The following RBMX2 variants were observed in gnomAD, a reference collection of about 807,000 sequenced individuals.
RBMX2 encodes the protein RNA binding motif protein X-linked 2.
For synonymous variants in RBMX2, 77 were observed against 94.3 expected (o/e 0.82, Z 1.07); for missense variants, 191 against 256.0 (o/e 0.75, Z 1.73).
At chrX:130,408,246 C>T (rs2034495238) in intron 3 of RBMX2, among the ~76,000 whole-genome samples, 1 of 112,014 alleles carries the variant, frequency 8.9e-6, no homozygotes. Flanking sequence ...AGCCCTCCCA[C>T]CTTGGCCTCC....
At position 130,409,268 on chromosome X, in the gene RBMX2, T is replaced by C. The variant is rs1261772365; in HGVS notation, c.185T>C (p.Ile62Thr). ...TATAAAATAAATAGATATGGGGAGA[T>C]TGTTAACATTAATCTCGTGCGGGAC... ...IICVFSQYGE[I>T]VNINLVRDKK... Residue 62 changes from isoleucine to threonine, a missense_variant, in exon 4 of 6, where the codon ATT (isoleucine) becomes ACT (threonine). Physicochemically the swap from Ile to Thr is moderately conservative, Grantham distance 89. Transcript: ENST00000305536. The C allele has an allele frequency of 8.3e-7, 1 of 1,205,122 alleles. No homozygotes were observed. The highest frequency in any genetic ancestry group is 1.7e-5 in the African/African-American group (1 of 57,603).
intron 1 of RBMX2, 45 bp downstream of exon 1, chrX:130,402,082 G>A (rs1478832307): frequency 3.4e-5 from 40 of 1,189,300 alleles, no homozygotes; most frequent in Non-Finnish European, 4.3e-5. Context: ...CGGGCCACTG[G>A]GGGTGGTCCA....
rs6529427 is a variant in RBMX2 at position 130,411,333 on chromosome X, G to A, written c.304-15G>A. On this transcript the variant is annotated splice_polypyrimidine_tract_variant and intron_variant, in intron 4 of 5. Transcript: ENST00000305536. ...TGAGGGCTGTCTTCACTGAAGCATC[G>A]CCTGTCTTGCTTAGATCAAAGGAAG... The A allele has an allele frequency of 0.022, 25,181 of 1,147,141 alleles. 3,056 individuals carry two copies. In the African/African-American group the frequency reaches 0.38, roughly 17 times the overall value. The allele number at this position is 1,147,141 out of a possible 1,213,427, so 94.5% of individuals were successfully genotyped here.
chrX:130,412,307 TTC>T, intron 5 of RBMX2, 52 bp from the exon 6 acceptor site: 1 of 1,039,130 alleles, frequency 9.6e-7, no homozygotes, highest in African/African-American at 2.0e-5. Flanking sequence ...TTTAAGGGAG[TTC>T]TTTTATTTTT....
At chrX:130,409,515 G>A in intron 4 of RBMX2, 129 bp downstream of exon 4, 1 of 653,082 alleles carries the variant, frequency 1.5e-6, no homozygotes, top group South Asian at 4.3e-5. Flanking sequence ...CTGCAGAGAT[G>A]TGGAGACACT....
At position 130,413,340 on chromosome X, in the gene RBMX2, G is replaced by A. The variant is rs754969637; in HGVS notation, c.*492G>A. On this transcript the variant is annotated 3_prime_UTR_variant, in exon 6 of 6. Coordinates refer to ENST00000305536, the MANE Select transcript of RBMX2 (RefSeq NM_016024.4). ...CTTTTTCATTAAAACTTTTTTGTTC[G>A]ATATGCCTCTTTCCACATTTTTTCC... 8.9e-6 allele frequency: 1 copy of A among 111,947 alleles called. No individual in the cohort carries two copies. The highest frequency in any genetic ancestry group is 3.7e-4 in the South Asian group (1 of 2,697). 9.2% of individuals were successfully genotyped at this position (111,947 alleles called of 1,213,427 possible).
intron 4 of RBMX2, among the ~76,000 whole-genome samples, chrX:130,410,920 C>G (rs1014201196): frequency 8.9e-6 from 1 of 112,239 alleles, no homozygotes; most frequent in African/African-American, 3.2e-5. Context: ...TTCAAGAATT[C>G]CTTCTAGTTG....
intron 3 of RBMX2, among the ~76,000 whole-genome samples, chrX:130,405,885 C>T (rs527484175): frequency 1.2e-4 from 5 of 40,461 alleles, no homozygotes; most frequent in Admixed American, 4.4e-4. Flanking sequence ...GACGGAGTCT[C>T]GCTCTGTCGC....
intron 3 of RBMX2, among the ~76,000 whole-genome samples, chrX:130,408,200 G>C (rs1280053002): frequency 2.8e-5 from 3 of 108,766 alleles, no homozygotes; most frequent in African/African-American, 1.0e-4. Flanking sequence ...ATCTTGTTCT[G>C]TTGCCCAGGC....
chrX:130,403,585 C>T (rs2034468241), intron 2 of RBMX2, among the ~76,000 whole-genome samples: 1 of 111,285 alleles, frequency 9.0e-6, no homozygotes, highest in South Asian at 3.8e-4. Context: ...GTTGGACAGG[C>T]TGGTCTCGAA....
chrX:130,404,114 C>T (rs762409182), intron 3 of RBMX2: 3 of 355,969 alleles, frequency 8.4e-6, no homozygotes, highest in African/African-American at 5.1e-5. Context: ...GAGGCTTGTT[C>T]AGCCTGGGCC....
At chrX:130,409,133 A>G in intron 3 of RBMX2, 124 bp from the exon 4 acceptor site, 2 of 547,997 alleles carry the variant, frequency 3.6e-6, no homozygotes, top group African/African-American at 2.4e-5. Flanking sequence ...CAACCTTTCT[A>G]TGTCATCTTG....
At position 130,412,726 on chromosome X, in the gene RBMX2, C is replaced by T. The variant is rs767023169; in HGVS notation, c.847C>T (p.Arg283Cys). The change falls in exon 6 of 6, where the codon CGT (arginine) becomes TGT (cysteine). Residue 283 changes from arginine to cysteine, a missense_variant. Coordinates refer to ENST00000305536, the MANE Select transcript of RBMX2 (RefSeq NM_016024.4). ...SDAHSSWYNG[R>C]SEGRSYRSRS... ...TGCACATTCTAGCTGGTATAATGGG[C>T]GTTCTGAAGGGCGTAGTTATAGAAG... is the stretch of plus-strand genomic sequence containing the variant. 40 of 1,208,291 alleles carry T rather than the reference C, an allele frequency of 3.3e-5. No individual in the cohort carries two copies. In the East Asian group the frequency reaches 1.2e-3, roughly 35 times the overall value.
intron 4 of RBMX2, among the ~76,000 whole-genome samples, chrX:130,410,173 G>A (rs2034505467): frequency 9.0e-6 from 1 of 111,338 alleles, no homozygotes; most frequent in Admixed American, 9.6e-5. Context: ...GCAGTCAGAG[G>A]GCATCACTGT....
At position 130,402,110 on chromosome X, in the gene RBMX2, G is replaced by C. The variant is rs371344023; in HGVS notation, c.5+73G>C. ...GTGGTCCACCGGGACTGGTGTGGTA[G>C]AGCGTCTGCGGGGCCGAGGGGCGGG... On this transcript the variant is annotated intron_variant, in intron 1 of 5. Coordinates refer to ENST00000305536, the MANE Select transcript of RBMX2 (RefSeq NM_016024.4). 7.1e-4 allele frequency: 836 copies of C among 1,172,985 alleles called. 2 individuals carry two copies. In the African/African-American group the frequency reaches 0.012, roughly 18 times the overall value.
chrX:130,412,277 A>G (rs960737339), intron 5 of RBMX2, 84 bp from the exon 6 acceptor site: 24 of 1,043,401 alleles, frequency 2.3e-5, no homozygotes, highest in African/African-American at 5.9e-5. Context: ...TATTCAGAAA[A>G]GAAAGGTGCT....
intron 4 of RBMX2, chrX:130,411,094 T>C (rs939245671): frequency 3.6e-6 from 1 of 277,225 alleles, no homozygotes; most frequent in African/African-American, 2.8e-5. Context: ...ATTTGTATGC[T>C]GCCCCAGAGT....
intron 4 of RBMX2, 137 bp downstream of exon 4, chrX:130,409,523 A>G (rs2034502044): frequency 1.6e-6 from 1 of 621,248 alleles, no homozygotes; most frequent in Admixed American, 3.5e-5. Context: ...ATGTGGAGAC[A>G]CTGGTCAAGA....
chrX:130,409,288 C>A lies in RBMX2; in HGVS notation c.205C>A (p.Arg69=). 3.3e-6 allele frequency: 4 copies of A among 1,204,063 alleles called. No individual in the cohort carries two copies. The highest frequency in any genetic ancestry group is 4.5e-6 in the Non-Finnish European group (4 of 889,481). Residue 69 remains arginine (R), a synonymous_variant, in exon 4 of 6, where the codon CGG becomes AGG. Transcript: ENST00000305536. ...YGEIVNINLV[R]DKKTGKSKGF... ...GGAGATTGTTAACATTAATCTCGTG[C>A]GGGACAAGAAAACTGGGAAATCCAA... is the stretch of plus-strand genomic sequence containing the variant.
Sources: gnomAD v4.1 joint callset for allele counts (sites outside exome capture counted in the v4.1 genomes callset) on GRCh38, gnomAD v4.1.1 for gene constraint, MANE v1.5 for transcripts, NCBI Gene and HGNC (gene_info 2026-07-23, HGNC 2026-07-21) for gene names.